BBS2: variants seen among roughly 807,000 people sequenced by gnomAD.
BBS2 encodes BBSome complex member BBS2.
BBS2 carries 62 observed loss-of-function variants against 83.0 expected under a neutral mutation model. That is an observed-to-expected ratio of 0.75 (90% CI 0.61 to 0.92). BBS2 has a LOEUF of 0.92. BBS2 is among the 40% of genes least tolerant of loss of function. The pLI, the probability that BBS2 is intolerant of heterozygous loss-of-function variation, is 0.00. For synonymous variants in BBS2, 303 were observed against 326.1 expected (o/e 0.93, Z 0.76); for missense variants, 784 against 901.0 (o/e 0.87, Z 1.66).
In BBS2 at chr16:56,502,799, G is replaced by T; in HGVS notation, c.814C>A (p.Arg272=). The T allele has an allele frequency of 6.2e-7, 1 of 1,614,064 alleles. No homozygotes were observed. Among genetic ancestry groups the T allele is most frequent in the South Asian group, 1.1e-5 (1 of 91,078 alleles). Residue 272 remains arginine (R), a synonymous_variant, in exon 8 of 17, where the codon CGA becomes AGA. Transcript: ENST00000245157. ...TGWSNGKVDA[R]SDRTGEVIFK... ...ATGACCTCCCCAGTTCGGTCACTTC[G>T]AGCATCAACCTACAAATAAAACACA...
In BBS2 at chr16:56,514,630, C is replaced by A. The variant is rs1964681550; in HGVS notation, c.168G>T (p.Arg56Ser). Reference protein sequence around the residue: ...HTRNQHVSASRVFQSPLESDV... With the variant: ...HTRNQHVSASSVFQSPLESDV... The stretch of plus-strand genomic sequence containing the variant: ...CAGATTCCAGGGGGCTCTGGAAGAC[C>A]CTGGATGCACTGACATGCTGGTTCC... Residue 56 changes from arginine (R) to serine (S), a missense_variant, in exon 2 of 17, where the codon AGG becomes AGT. Physicochemically the swap from Arg to Ser is moderately radical, Grantham distance 110. Transcript: ENST00000245157. 6.2e-7 allele frequency: 1 copy of A among 1,613,930 alleles called. No homozygotes were observed. The highest frequency in any genetic ancestry group is 8.5e-7 in the Non-Finnish European group (1 of 1,179,994).
At chr16:56,497,707 C>T in intron 14 of BBS2, 36 bp downstream of exon 14, 2 of 1,609,928 alleles carry the variant, frequency 1.2e-6, no homozygotes, top group South Asian at 2.2e-5. Context: ...ATTAGACTAC[C>T]ACATTCTCAC....
intron 17 of BBS2, among the ~76,000 whole-genome samples, chr16:56,473,960 C>T (rs946281249): frequency 6.6e-6 from 1 of 152,220 alleles, no homozygotes; most frequent in South Asian, 2.1e-4. Context: ...GCACACGCCA[C>T]CATGCTCAGC....
chr16:56,501,554 A>T, intron 9 of BBS2, 57 bp from the exon 10 acceptor site: 1 of 1,606,442 alleles, frequency 6.2e-7, no homozygotes, highest in Non-Finnish European at 8.5e-7. Flanking sequence ...ACTAATATCA[A>T]TTTTAAATAA....
intron 17 of BBS2, among the ~76,000 whole-genome samples, chr16:56,474,317 C>CTTT (rs770427579): frequency 5.4e-5 from 7 of 130,070 alleles, no homozygotes; most frequent in Admixed American, 7.8e-5. Flanking sequence ...CAAAATTCAA[C>CTTT]TTTTTTTTTT....
chr16:56,496,838 G>A lies in BBS2; in HGVS notation c.1910+129C>T, dbSNP rs80000990. 7,764 of 776,542 alleles carry A rather than the reference G, an allele frequency of 1.0e-2. 426 individuals carry two copies. In the African/African-American group the frequency reaches 0.11, roughly 11 times the overall value. The allele number at this position is 776,542 out of a possible 1,614,324, so 48.1% of individuals were successfully genotyped here. ...GAGGACATGCATTTTCAACTTTACT[G>A]ATAATGCCAAGTTATTTTCCAAAGT... On this transcript the variant is annotated intron_variant, in intron 15 of 16. Transcript: ENST00000245157.
At chr16:56,499,588 C>T in intron 12 of BBS2, 190 bp downstream of exon 12, 1 of 645,898 alleles carries the variant, frequency 1.5e-6, no homozygotes, top group Non-Finnish European at 2.6e-6. Flanking sequence ...GATGCTTTTT[C>T]AAAGTGAGAG....
chr16:56,500,115 AC>A (rs1278166261), intron 11 of BBS2: 10 of 539,516 alleles, frequency 1.9e-5, no homozygotes, highest in African/African-American at 1.5e-4. Flanking sequence ...CTACATATAT[AC>A]CTGCATGCAC....
At chr16:56,500,423 C>T in intron 11 of BBS2, 2 of 248,992 alleles carry the variant, frequency 8.0e-6, no homozygotes, top group South Asian at 4.9e-5. Flanking sequence ...GTCAGGAGTT[C>T]AAGACCAGCC....
intron 1 of BBS2, among the ~76,000 whole-genome samples, chr16:56,517,882 C>T (rs1384137423): frequency 3.3e-5 from 5 of 151,116 alleles, no homozygotes; most frequent in East Asian, 1.9e-4. Flanking sequence ...TGCAATGGCA[C>T]GGTCTCGGCT....
chr16:56,475,658 C>G, intron 17 of BBS2: 2 of 985,450 alleles, frequency 2.0e-6, no homozygotes, highest in Admixed American at 3.8e-5. Context: ...CTACCAGTGT[C>G]TTTAGCTAAT....
chr16:56,487,705 T>G (rs191436397), intron 15 of BBS2, among the ~76,000 whole-genome samples: 25 of 152,278 alleles, frequency 1.6e-4, no homozygotes, highest in Non-Finnish European at 3.4e-4. Flanking sequence ...TAACATCATC[T>G]CAATTAAAAT....
chr16:56,481,080 AT>A (rs1163790353), downstream of BBS2, among the ~76,000 whole-genome samples: 1 of 152,184 alleles, frequency 6.6e-6, no homozygotes, highest in East Asian at 1.9e-4. Flanking sequence ...ATTTAGTTCT[AT>A]AATGACAGGA....
chr16:56,517,252 T>A (rs1015557459), intron 1 of BBS2, among the ~76,000 whole-genome samples: 2 of 152,352 alleles, frequency 1.3e-5, no homozygotes, highest in South Asian at 2.1e-4. Flanking sequence ...AGGGACTTCC[T>A]AACTTACTCA....
intron 17 of BBS2, chr16:56,478,878 T>TAA (rs1177527856): frequency 3.3e-5 from 5 of 152,172 alleles, no homozygotes; most frequent in African/African-American, 7.2e-5. Context: ...CAGCACCTCT[T>TAA]AGATTGTGAA....
chr16:56,501,673 A>C, intron 9 of BBS2, 176 bp from the exon 10 acceptor site: 1 of 842,854 alleles, frequency 1.2e-6, no homozygotes, highest in East Asian at 2.7e-5. Flanking sequence ...CCCTTGCTCT[A>C]TCTGGCCCTG....
At chr16:56,508,333 T>C (rs772549892) in intron 5 of BBS2, among the ~76,000 whole-genome samples, 4 of 152,300 alleles carry the variant, frequency 2.6e-5, no homozygotes, top group Non-Finnish European at 5.9e-5. Flanking sequence ...CCCTCGAGCT[T>C]TTCTGATACA....
chr16:56,488,655 A>G (rs1567566258), intron 15 of BBS2, among the ~76,000 whole-genome samples: 2 of 152,116 alleles, frequency 1.3e-5, no homozygotes, highest in Non-Finnish European at 2.9e-5. Context: ...AATCTTCATT[A>G]TTTGGGCATG....
chr16:56,510,078 C>A (rs576192569), intron 4 of BBS2, 44 bp from the exon 5 acceptor site: 1 of 1,589,706 alleles, frequency 6.3e-7, no homozygotes, highest in South Asian at 1.1e-5. Flanking sequence ...TAAGTGCAAA[C>A]AACAAAATTT....
Sources: allele counts gnomAD v4.1 joint callset (sites outside exome capture counted in the v4.1 genomes callset), GRCh38; gene constraint gnomAD v4.1.1; transcripts MANE v1.5; gene names NCBI Gene and HGNC (gene_info 2026-07-23, HGNC 2026-07-21).